The following PEMT variants were observed in gnomAD, a reference collection of about 807,000 sequenced individuals.
PEMT encodes phosphatidylethanolamine N-methyltransferase.
A neutral mutation model predicts 27.4 loss-of-function variants in PEMT; 23 were observed. That is an observed-to-expected ratio of 0.84 (90% CI 0.60 to 1.19). PEMT has a LOEUF of 1.19. PEMT is among the 50% of genes most tolerant of loss of function. The probability of loss-of-function intolerance (pLI) is 0.00; values close to 1 mark genes in which losing one functional copy is unlikely to be tolerated. For synonymous variants in PEMT, 137 were observed against 139.1 expected (o/e 0.98, Z 0.11); for missense variants, 307 against 310.1 (o/e 0.99, Z 0.07).
At chr17:17,566,532 T>C (rs1241966999) in intron 2 of PEMT, among the ~76,000 whole-genome samples, 1 of 152,168 alleles carries the variant, frequency 6.6e-6, no homozygotes, top group Admixed American at 6.5e-5. Context: ...GGCTCAGCAC[T>C]GCCGCAGGGT....
chr17:17,570,598 G>A, intron 2 of PEMT: 1 of 985,434 alleles, frequency 1.0e-6, no homozygotes, highest in Non-Finnish European at 1.2e-6. Context: ...AGGTCTGTGG[G>A]CAGCCTTGCA....
intron 4 of PEMT, among the ~76,000 whole-genome samples, chr17:17,511,110 C>T (rs1906354282): frequency 6.6e-6 from 1 of 152,212 alleles, no homozygotes; most frequent in Non-Finnish European, 1.5e-5. Flanking sequence ...TCGGCTCATC[C>T]TCCTGCCCTG....
intron 2 of PEMT, among the ~76,000 whole-genome samples, chr17:17,563,803 G>A (rs554084028): frequency 6.6e-6 from 1 of 152,270 alleles, no homozygotes; most frequent in South Asian, 2.1e-4. Context: ...CCAGGTCTGA[G>A]GCCACTAGGG....
chr17:17,519,301 G>A (rs796833167), intron 3 of PEMT, among the ~76,000 whole-genome samples: 17 of 152,300 alleles, frequency 1.1e-4, no homozygotes, highest in African/African-American at 3.8e-4. Context: ...AACACAAAAG[G>A]TGAGAGGAGA....
chr17:17,535,636 C>G (rs1207701284), intron 2 of PEMT, among the ~76,000 whole-genome samples: 1 of 151,686 alleles, frequency 6.6e-6, no homozygotes, highest in Non-Finnish European at 1.5e-5. Context: ...GAGATATTTA[C>G]TGATGAAATT....
At chr17:17,540,316 C>A (rs956157769) in intron 2 of PEMT, among the ~76,000 whole-genome samples, 1 of 152,242 alleles carries the variant, frequency 6.6e-6, no homozygotes, top group Non-Finnish European at 1.5e-5. Flanking sequence ...GTGGACTCTG[C>A]GCTCTATCCC....
chr17:17,589,930 A>T (rs1912506960), intron 1 of PEMT, among the ~76,000 whole-genome samples: 1 of 152,186 alleles, frequency 6.6e-6, no homozygotes, highest in African/African-American at 2.4e-5. Flanking sequence ...AAGGAGAAAG[A>T]GCAGAGAAGC....
rs1026497312 is a variant in PEMT, at chr17:17,522,347, A to G, written c.253T>C (p.Ser85Pro). The G allele has an allele frequency of 1.5e-5, 24 of 1,613,470 alleles. No individual in the cohort carries two copies. Among genetic ancestry groups the G allele is most frequent in the Non-Finnish European group, 2.0e-5 (24 of 1,179,932 alleles). ...KTRKLSRAFG[S>P]PYLACYSLSV... Reference sequence around the variant, plus strand: ...AGAGAGTAGCAGGCCAGGTAGGGGGATCCGAAGGCCCTGCTCAGCTTGCGG... The same window carrying G: ...AGAGAGTAGCAGGCCAGGTAGGGGGGTCCGAAGGCCCTGCTCAGCTTGCGG... Residue 85 changes from serine (S) to proline (P), a missense_variant, in exon 3 of 7, where the codon TCC (serine) becomes CCC (proline). By Grantham distance (74) the Ser-to-Pro change is moderately conservative (BLOSUM62 -1). Coordinates refer to ENST00000255389, the MANE Select transcript of PEMT (RefSeq NM_148172.3).
In PEMT at chr17:17,561,953, G is replaced by C. The variant is rs1910504967; in HGVS notation, c.204+14967C>G. 6.6e-6 allele frequency among the ~76,000 whole-genome samples: 1 copy of C among 152,214 alleles called. No individual in the cohort carries two copies. Among genetic ancestry groups the C allele is most frequent in the African/African-American group, 2.4e-5 (1 of 41,466 alleles). ...CGAAGTTGGCGCAGGGCATGTGAGGGCACCCCAGGCTCCGGTGGGAGGGGC... is the reference window on the plus strand; with the variant it reads ...CGAAGTTGGCGCAGGGCATGTGAGGCCACCCCAGGCTCCGGTGGGAGGGGC... On this transcript the variant is annotated intron_variant, in intron 2 of 6. Coordinates refer to ENST00000255389, the MANE Select transcript of PEMT (RefSeq NM_148172.3). The surrounding 1 kb of genome is among the most constrained non-coding windows in gnomAD (Gnocchi z 4.5).
chr17:17,579,399 C>T lies in PEMT; in HGVS notation c.97-2372G>A, dbSNP rs139107398. Among the ~76,000 whole-genome samples the T allele has an allele frequency of 3.9e-4, 59 of 152,268 alleles. No homozygotes were observed. The East Asian group carries it at 0.011, about 27-fold the overall frequency. On this transcript the variant is annotated intron_variant, in intron 1 of 6. Coordinates refer to ENST00000255389, the MANE Select transcript of PEMT (RefSeq NM_148172.3). The stretch of plus-strand genomic sequence containing the variant: ...TAAGCAGATGTTAAATGCTCTAGGC[C>T]GGGCGTGGTGGCTCATGCCTATAAT...
chr17:17,589,435 C>T (rs1912487849), intron 1 of PEMT, among the ~76,000 whole-genome samples: 1 of 152,134 alleles, frequency 6.6e-6, no homozygotes, highest in African/African-American at 2.4e-5. Flanking sequence ...TGCCACAGGA[C>T]AAAATATGTC....
At chr17:17,521,560 C>CTT (rs148189476) in intron 3 of PEMT, among the ~76,000 whole-genome samples, 1 of 149,720 alleles carries the variant, frequency 6.7e-6, no homozygotes, top group African/African-American at 2.5e-5. Context: ...AAGAAGCTTT[C>CTT]TTTTAAAAAA....
intron 3 of PEMT, among the ~76,000 whole-genome samples, chr17:17,520,909 G>C (rs1304741234): frequency 6.6e-6 from 1 of 152,390 alleles, no homozygotes; most frequent in South Asian, 2.1e-4. Flanking sequence ...AGGCAGCAAG[G>C]GTGCCTGGCC....
chr17:17,518,249 G>A (rs764155192), intron 3 of PEMT: 245 of 786,916 alleles, frequency 3.1e-4, no homozygotes, highest in Non-Finnish European at 3.3e-4. Flanking sequence ...GCCCAGTCCT[G>A]TGAAGCCCGT....
intron 2 of PEMT, among the ~76,000 whole-genome samples, chr17:17,540,128 C>T (rs1254879472): frequency 6.6e-6 from 1 of 152,184 alleles, no homozygotes; most frequent in African/African-American, 2.4e-5. Flanking sequence ...AGCAGCCAGC[C>T]CTGGCCGTGG....
chr17:17,577,082 C>A, intron 1 of PEMT, 55 bp from the exon 2 acceptor site: 1 of 1,353,104 alleles, frequency 7.4e-7, no homozygotes. Context: ...GCCTGTGAGC[C>A]CCCAGGAGTC....
intron 2 of PEMT, among the ~76,000 whole-genome samples, chr17:17,529,977 A>G (rs879917735): frequency 6.6e-6 from 1 of 152,164 alleles, no homozygotes; most frequent in African/African-American, 2.4e-5. Context: ...TTCATTAAGT[A>G]AAAAAGCAAG....
chr17:17,554,729 C>T (rs1909928157), intron 2 of PEMT, among the ~76,000 whole-genome samples: 1 of 152,178 alleles, frequency 6.6e-6, no homozygotes, highest in Non-Finnish European at 1.5e-5. Context: ...AGTTCTCCTG[C>T]CTCAGCCTCC....
intron 2 of PEMT, among the ~76,000 whole-genome samples, chr17:17,564,235 C>A (rs1910678125): frequency 6.6e-6 from 1 of 152,128 alleles, no homozygotes; most frequent in African/African-American, 2.4e-5. Flanking sequence ...TGGCTCTTAC[C>A]CCTCTGGGAC....
Sources: gnomAD v4.1 joint callset for allele counts (sites outside exome capture counted in the v4.1 genomes callset) on GRCh38, gnomAD v4.1.1 for gene constraint, Gnocchi (gnomAD v3.1) non-coding constraint, MANE v1.5 for transcripts, NCBI Gene and HGNC (gene_info 2026-07-23, HGNC 2026-07-21) for gene names.